The following IQCM variants were observed in gnomAD, a reference collection of about 807,000 sequenced individuals.
IQCM encodes IQ motif containing M.
A neutral mutation model predicts 57.6 loss-of-function variants in IQCM; 45 were observed. The ratio of observed to expected loss-of-function variants is 0.78; its 90% CI spans 0.62 to 1.00. The LOEUF (loss-of-function observed/expected upper bound fraction) is 1.00. Ranked by LOEUF, IQCM falls within the 50% of genes least tolerant of loss-of-function variation. IQCM has a pLI of 0.00. For synonymous variants in IQCM, 148 were observed against 158.9 expected (o/e 0.93, Z 0.51); for missense variants, 468 against 511.6 (o/e 0.91, Z 0.82).
intron 8 of IQCM, among the ~76,000 whole-genome samples, chr4:149,594,320 T>C (rs2095282711): frequency 6.6e-6 from 1 of 152,198 alleles, no homozygotes; most frequent in South Asian, 2.1e-4. Flanking sequence ...TTATCATTTT[T>C]ATTGCATCTA....
intron 12 of IQCM, among the ~76,000 whole-genome samples, chr4:149,488,522 T>C (rs959188184): frequency 6.6e-6 from 1 of 152,168 alleles, no homozygotes; most frequent in African/African-American, 2.4e-5. Flanking sequence ...TGTAAAGTTG[T>C]TAATAGTATT....
intron 13 of IQCM, among the ~76,000 whole-genome samples, chr4:149,428,359 T>C (rs900123724): frequency 6.6e-6 from 1 of 151,834 alleles, no homozygotes; most frequent in Non-Finnish European, 1.5e-5. Context: ...AAACATGTAT[T>C]GGATTATCAT....
At chr4:149,563,500 C>T (rs930224176) in intron 10 of IQCM, among the ~76,000 whole-genome samples, 192 bp downstream of exon 10, 7 of 151,940 alleles carry the variant, frequency 4.6e-5, no homozygotes, top group African/African-American at 1.7e-4. Context: ...GCAGGAGAAT[C>T]GCTTGAACCC....
chr4:149,580,165 C>T (rs1218394800), intron 9 of IQCM, among the ~76,000 whole-genome samples: 1 of 151,738 alleles, frequency 6.6e-6, no homozygotes, highest in Non-Finnish European at 1.5e-5. Flanking sequence ...CACAAAAGAT[C>T]TCATAAAGAA....
chr4:149,608,302 A>G lies in IQCM; in HGVS notation c.681+12827T>C, dbSNP rs138520178. The stretch of plus-strand genomic sequence containing the variant: ...AGAACTAAAGACAAATATAGACTCC[A>G]ATATAATCATAGCTGGGTACATCAA... On this transcript the variant is annotated intron_variant, in intron 8 of 13. Transcript: ENST00000636793. Among the ~76,000 whole-genome samples the G allele has an allele frequency of 4.3e-4, 66 of 152,074 alleles. 1 individual carries two copies. The highest frequency in any genetic ancestry group is 1.5e-3 in the African/African-American group (62 of 41,566).
At chr4:149,641,724 G>T (rs1295575038) in intron 7 of IQCM, among the ~76,000 whole-genome samples, 1 of 152,008 alleles carries the variant, frequency 6.6e-6, no homozygotes, top group East Asian at 1.9e-4. Context: ...TTATTTCCAT[G>T]GTTTGGTTTC....
intron 5 of IQCM, among the ~76,000 whole-genome samples, chr4:149,722,714 G>A (rs1765554231): frequency 6.6e-6 from 1 of 151,772 alleles, no homozygotes; most frequent in Non-Finnish European, 1.5e-5. Flanking sequence ...ATTTCAAATA[G>A]GGTAATGTGA....
In IQCM at chr4:149,408,681, T is replaced by A. The variant is rs545421032; in HGVS notation, c.1390+24715A>T. 4.9e-4 allele frequency among the ~76,000 whole-genome samples: 74 copies of A among 152,324 alleles called. 1 individual carries two copies. In the South Asian group the frequency reaches 0.015, roughly 32 times the overall value. ...CAGTATGTTTGTGTTTATGTATGTG[T>A]ACACATATCATTGAATATTAGGTTA... On this transcript the variant is annotated intron_variant, in intron 13 of 13. Transcript: ENST00000636793.
chr4:149,416,214 CTCTG>C (rs1733737637), intron 13 of IQCM, among the ~76,000 whole-genome samples: 1 of 152,186 alleles, frequency 6.6e-6, no homozygotes, highest in African/African-American at 2.4e-5. Flanking sequence ...CTCTTTCTCT[CTCTG>C]TCTGTCTCCC....
chr4:149,433,539 G>T lies in IQCM; in HGVS notation c.1247C>A (p.Ser416Tyr). 1.7e-6 allele frequency: 2 copies of T among 1,169,770 alleles called. No homozygotes were observed. Among genetic ancestry groups the T allele is most frequent in the Non-Finnish European group, 2.1e-6 (2 of 931,826 alleles). 72.5% of individuals were successfully genotyped at this position (1,169,770 alleles called of 1,614,324 possible). Reference protein sequence around the residue: ...LVHQDGKEKYSELIKKSKAIE... With the variant: ...LVHQDGKEKYYELIKKSKAIE... ...TGCTTTGGACTTTTTGATTAGTTCA[G>T]AATATTTTTCTTTGCCATCTATAAA... Residue 416 changes from serine (S) to tyrosine (Y), a missense_variant, in exon 13 of 14, where the codon TCT (serine) becomes TAT (tyrosine). Transcript: ENST00000636793.
At chr4:149,703,592 C>T (rs1481963824) in intron 5 of IQCM, among the ~76,000 whole-genome samples, 4 of 151,854 alleles carry the variant, frequency 2.6e-5, no homozygotes, top group Non-Finnish European at 1.5e-5. Flanking sequence ...GCATGTTGCT[C>T]TTTGCATATC....
intron 5 of IQCM, among the ~76,000 whole-genome samples, chr4:149,701,721 A>C (rs1242594139): frequency 1.3e-5 from 2 of 152,002 alleles, no homozygotes; most frequent in East Asian, 3.9e-4. Context: ...TCACTAAAAA[A>C]GATACTACAA....
intron 8 of IQCM, among the ~76,000 whole-genome samples, chr4:149,592,339 T>A (rs1425537812): frequency 6.6e-6 from 1 of 152,046 alleles, no homozygotes; most frequent in Non-Finnish European, 1.5e-5. Context: ...TTAAGTTCTT[T>A]GTAAATTATG....
At chr4:149,595,265 C>G (rs1356381429) in intron 8 of IQCM, among the ~76,000 whole-genome samples, 1 of 152,040 alleles carries the variant, frequency 6.6e-6, no homozygotes, top group Admixed American at 6.6e-5. Flanking sequence ...TTATCAGAGA[C>G]TAGGATTGCA....
At chr4:149,726,507 T>C (rs1358567327) in intron 5 of IQCM, among the ~76,000 whole-genome samples, 3 of 152,176 alleles carry the variant, frequency 2.0e-5, no homozygotes, top group Non-Finnish European at 4.4e-5. Context: ...GGATACTCCT[T>C]TTCTTGCCCT....
chr4:149,586,130 A>G (rs1393346567), intron 9 of IQCM, among the ~76,000 whole-genome samples: 8 of 151,726 alleles, frequency 5.3e-5, no homozygotes, highest in African/African-American at 9.7e-5. Context: ...TTAACCAGGT[A>G]AAGAATATTT....
At chr4:149,731,485 G>A (rs997996886) in intron 5 of IQCM, among the ~76,000 whole-genome samples, 1 of 152,176 alleles carries the variant, frequency 6.6e-6, no homozygotes, top group Admixed American at 6.5e-5. Context: ...CAGGCATTTT[G>A]TTATAGCAGC....
At chr4:149,384,129 TAAG>T (rs1399001343) in intron 13 of IQCM, among the ~76,000 whole-genome samples, 2 of 152,122 alleles carry the variant, frequency 1.3e-5, no homozygotes, top group African/African-American at 4.8e-5. Context: ...ATATTATAGT[TAAG>T]AAACTGAGAT....
chr4:149,651,347 C>T (rs937547752), intron 7 of IQCM, among the ~76,000 whole-genome samples: 2 of 152,130 alleles, frequency 1.3e-5, no homozygotes, highest in Admixed American at 1.3e-4. Context: ...TTTTAGGACT[C>T]GACCTCCAGT....
Sources: gnomAD v4.1 joint callset for allele counts (sites outside exome capture counted in the v4.1 genomes callset) on GRCh38, gnomAD v4.1.1 for gene constraint, MANE v1.5 for transcripts, NCBI Gene and HGNC (gene_info 2026-07-23, HGNC 2026-07-21) for gene names.